The following THSD7A variants were observed in gnomAD, a reference collection of about 807,000 sequenced individuals.
THSD7A encodes thrombospondin type-1 domain-containing protein 7A.
In THSD7A, 96 loss-of-function variants were observed where a neutral mutation model predicts 231.3. The observed-to-expected ratio is 0.41, with a 90% CI of 0.35 to 0.49. The LOEUF (loss-of-function observed/expected upper bound fraction) is 0.49. Ranked by LOEUF, THSD7A falls within the 20% of genes least tolerant of loss-of-function variation. The pLI is 0.05. For missense variants in THSD7A, 2,290 were observed against 2,070.2 expected (o/e 1.11, Z -2.06); for synonymous variants, 940 against 743.3 (o/e 1.26, Z -4.30).
chr7:11,689,109 A>G (rs978349186), intron 1 of THSD7A, among the ~76,000 whole-genome samples: 4 of 151,898 alleles, frequency 2.6e-5, no homozygotes, highest in African/African-American at 9.7e-5. Flanking sequence ...TTTGACAATG[A>G]CAATGTAAGC....
At chr7:11,540,468 A>AC (rs1183675011) in intron 6 of THSD7A, among the ~76,000 whole-genome samples, 2 of 152,204 alleles carry the variant, frequency 1.3e-5, no homozygotes, top group African/African-American at 4.8e-5. Flanking sequence ...ATGTTCCAGT[A>AC]CCCCCAAGGG....
chr7:11,795,218 T>C (rs565486178), intron 1 of THSD7A, among the ~76,000 whole-genome samples: 9 of 152,100 alleles, frequency 5.9e-5, no homozygotes, highest in African/African-American at 1.9e-4. Context: ...ATTAAAAACA[T>C]ACATTTGTAC....
At chr7:11,652,019 A>G (rs779938107) in intron 1 of THSD7A, among the ~76,000 whole-genome samples, 1 of 152,008 alleles carries the variant, frequency 6.6e-6, no homozygotes, top group Non-Finnish European at 1.5e-5. Context: ...ATTTTATTAC[A>G]CATCTAGAAG....
chr7:11,432,399 A>T (rs1051978988), intron 13 of THSD7A, among the ~76,000 whole-genome samples: 3 of 152,094 alleles, frequency 2.0e-5, no homozygotes, highest in African/African-American at 7.2e-5. Flanking sequence ...TGCATTTTCC[A>T]TAGACGTAAA....
intron 2 of THSD7A, among the ~76,000 whole-genome samples, chr7:11,597,697 G>C (rs1232253305): frequency 1.3e-5 from 2 of 152,130 alleles, no homozygotes; most frequent in African/African-American, 4.8e-5. Context: ...ACGTCATCAA[G>C]TCTCCATGTG....
At position 11,375,707 on chromosome 7, in the gene THSD7A, C is replaced by T; in HGVS notation, c.*87G>A. 5.7e-6 allele frequency: 6 copies of T among 1,058,932 alleles called. No homozygotes were observed. Among genetic ancestry groups the T allele is most frequent in the South Asian group, 1.4e-5 (1 of 70,178 alleles). The allele number at this position is 1,058,932 out of a possible 1,614,324, so 65.6% of individuals were successfully genotyped here. On this transcript the variant is annotated 3_prime_UTR_variant, in exon 28 of 28. Coordinates refer to ENST00000423059, the MANE Select transcript of THSD7A (RefSeq NM_015204.3). ...TTAAAAATTAAAATATATTTTAATC[C>T]ACACAGTTTGGATACATTTGTTGTG... is the stretch of plus-strand genomic sequence containing the variant.
chr7:11,717,669 G>A (rs374806461), intron 1 of THSD7A, among the ~76,000 whole-genome samples: 2 of 151,584 alleles, frequency 1.3e-5, no homozygotes, highest in Admixed American at 6.6e-5. Flanking sequence ...CAAAGTATGA[G>A]GGAGCCCATT....
chr7:11,553,446 G>C (rs183498915), intron 4 of THSD7A, among the ~76,000 whole-genome samples: 30 of 152,180 alleles, frequency 2.0e-4, no homozygotes, highest in Non-Finnish European at 1.8e-4. Flanking sequence ...AGTGAATGAA[G>C]TAAAGGACAG....
chr7:11,401,213 A>C (rs755679248), intron 23 of THSD7A, among the ~76,000 whole-genome samples: 4 of 152,160 alleles, frequency 2.6e-5, no homozygotes, highest in Non-Finnish European at 4.4e-5. Flanking sequence ...CTACCTGATC[A>C]TAATTGTTAT....
At chr7:11,518,634 C>A (rs552890822) in intron 6 of THSD7A, among the ~76,000 whole-genome samples, 269 of 151,908 alleles carry the variant, frequency 1.8e-3, no homozygotes, top group African/African-American at 6.1e-3. Context: ...CACACAGGCA[C>A]GCACACATAG....
chr7:11,530,533 C>A (rs138772706), intron 6 of THSD7A, among the ~76,000 whole-genome samples: 191 of 152,186 alleles, frequency 1.3e-3, no homozygotes, highest in Non-Finnish European at 2.0e-3. Flanking sequence ...AGTAAGCAAC[C>A]ATATAGAAGG....
Position 11,686,359 on chromosome 7 carries a change from A to T in THSD7A, c.191-49398T>A, listed in dbSNP as rs571903352. Among the ~76,000 whole-genome samples, 280 of 152,040 alleles carry T rather than the reference A, an allele frequency of 1.8e-3. 1 individual carries two copies. The highest frequency in any genetic ancestry group is 6.5e-3 in the African/African-American group (270 of 41,530). On this transcript the variant is annotated intron_variant, in intron 1 of 27. Transcript: ENST00000423059. Reference sequence around the variant, plus strand: ...AAAATTTTAATAAAAGGAGCTATTAAAAATTTTAACATAAAATAATGCTAT... The same window carrying T: ...AAAATTTTAATAAAAGGAGCTATTATAAATTTTAACATAAAATAATGCTAT...
chr7:11,510,257 G>T (rs576035685), intron 6 of THSD7A, among the ~76,000 whole-genome samples: 9 of 152,244 alleles, frequency 5.9e-5, no homozygotes, highest in African/African-American at 1.9e-4. Context: ...ACCAACAACA[G>T]GCTCTGAAGT....
chr7:11,457,842 T>A (rs2128297317), intron 11 of THSD7A, among the ~76,000 whole-genome samples: 1 of 152,230 alleles, frequency 6.6e-6, no homozygotes, highest in South Asian at 2.1e-4. Flanking sequence ...TCTTCTAATA[T>A]TATGGTACAA....
chr7:11,593,708 G>A (rs1380041872), intron 2 of THSD7A, among the ~76,000 whole-genome samples: 1 of 152,260 alleles, frequency 6.6e-6, no homozygotes, highest in East Asian at 1.9e-4. Flanking sequence ...TTTTCTAAGA[G>A]TTGTTAAACC....
chr7:11,544,502 A>T (rs1182049559), intron 4 of THSD7A, among the ~76,000 whole-genome samples: 1 of 152,206 alleles, frequency 6.6e-6, no homozygotes, highest in Admixed American at 6.5e-5. Flanking sequence ...AGGACTATCA[A>T]ATTCCAATTG....
At chr7:11,431,475 G>A (rs1183884508) in intron 13 of THSD7A, among the ~76,000 whole-genome samples, 2 of 152,010 alleles carry the variant, frequency 1.3e-5, no homozygotes, top group Non-Finnish European at 2.9e-5. Flanking sequence ...TAATTGTTGT[G>A]GCACCCTTGT....
chr7:11,820,591 T>C (rs1784846035), intron 1 of THSD7A: 3 of 712,742 alleles, frequency 4.2e-6, no homozygotes, highest in Middle Eastern at 2.6e-4. Flanking sequence ...TAGTTGCCTC[T>C]GTCCTGGCCT....
Position 11,411,359 on chromosome 7 carries a change from A to T in THSD7A, c.3683-37T>A, listed in dbSNP as rs760170619. ...GGAAGCCCATCAGAACAGAAGGCTAAGTAAGAAACAGATTTCAAATGAAAC... is the reference window on the plus strand; with the variant it reads ...GGAAGCCCATCAGAACAGAAGGCTATGTAAGAAACAGATTTCAAATGAAAC... On this transcript the variant is annotated intron_variant, in intron 18 of 27. Transcript: ENST00000423059. This position sits in a 1 kb window ranked among gnomAD's most constrained non-coding sequence, Gnocchi z 4.1. 2 of 1,394,286 alleles carry T rather than the reference A, an allele frequency of 1.4e-6. No individual in the cohort carries two copies. Among genetic ancestry groups the T allele is most frequent in the African/African-American group, 2.9e-5 (2 of 69,532 alleles). The allele number at this position is 1,394,286 out of a possible 1,614,324, so 86.4% of individuals were successfully genotyped here. A position where few individuals can be genotyped will look rare whatever the true frequency, so the allele number is the denominator to read the frequency against.
Sources: gnomAD v4.1 joint callset for allele counts (sites outside exome capture counted in the v4.1 genomes callset) on GRCh38, gnomAD v4.1.1 for gene constraint, Gnocchi (gnomAD v3.1) non-coding constraint, MANE v1.5 for transcripts, NCBI Gene and HGNC (gene_info 2026-07-23, HGNC 2026-07-21) for gene names.